Variants in NXPE4 observed in about 807,000 individuals in gnomAD.
The protein encoded by NXPE4 is neurexophilin and PC-esterase domain family member 4.
Under a neutral mutation model 33.3 loss-of-function variants are expected in NXPE4, and 42 were observed. That is an observed-to-expected ratio of 1.26 (90% CI 0.98 to 1.63). NXPE4 has a LOEUF of 1.63. Among genes scored for constraint, NXPE4 ranks in the 40% most tolerant of loss-of-function variants. NXPE4 has a pLI of 0.00. For missense variants in NXPE4, 709 were observed against 647.6 expected, an observed-to-expected ratio of 1.09 and a Z score of -1.03; for synonymous variants, 253 against 234.9, an observed-to-expected ratio of 1.08 and a Z score of -0.71.
the NXPE4 span, among the ~76,000 whole-genome samples, chr11:114,639,810 T>TAATATAAAATATAATATATATTATTTTA: frequency 1.3e-5 from 1 of 77,950 alleles, no homozygotes; most frequent in African/African-American, 4.7e-5. Flanking sequence ...AAATATAAAA[T>TAATATAAAATATAATATATATTATTTTA]AATATAAAAT....
chr11:114,601,618 T>TATTATATATATTATTTATAATTATATATA, the NXPE4 span, among the ~76,000 whole-genome samples: 19 of 1,908 alleles, frequency 1.0e-2, no homozygotes, highest in African/African-American at 0.017. Flanking sequence ...TATAATTATA[T>TATTATATATATTATTTATAATTATATATA]ATTATATATT....
At chr11:114,628,313 A>T in the NXPE4 span, among the ~76,000 whole-genome samples, 3 of 151,962 alleles carry the variant, frequency 2.0e-5, no homozygotes, top group Non-Finnish European at 2.9e-5. Context: ...AAATTATAAC[A>T]AACTGTCTCT....
At chr11:114,659,267 G>C in the NXPE4 span, among the ~76,000 whole-genome samples, 1 of 152,248 alleles carries the variant, frequency 6.6e-6, no homozygotes, top group East Asian at 1.9e-4. Flanking sequence ...CCATAGTAAA[G>C]AGCAAGGCAA....
chr11:114,606,395 A>G, the NXPE4 span, among the ~76,000 whole-genome samples: 2 of 151,940 alleles, frequency 1.3e-5, no homozygotes, highest in African/African-American at 4.8e-5. Flanking sequence ...ATGGGTAACC[A>G]CTGTTACCCG....
chr11:114,640,254 A>AAT, the NXPE4 span, among the ~76,000 whole-genome samples: 1 of 142,182 alleles, frequency 7.0e-6, no homozygotes, highest in South Asian at 2.1e-4. Flanking sequence ...TAAAATATAA[A>AAT]ATATATAGTA....
At chr11:114,575,322 G>C (rs958814693) in intron 5 of NXPE4, among the ~76,000 whole-genome samples, 2 of 152,006 alleles carry the variant, frequency 1.3e-5, no homozygotes, top group African/African-American at 4.8e-5. Context: ...CTTCAACATA[G>C]TACTGGAAGT....
the NXPE4 span, among the ~76,000 whole-genome samples, chr11:114,629,634 C>T: frequency 6.6e-6 from 1 of 152,040 alleles, no homozygotes; most frequent in Non-Finnish European, 1.5e-5. Flanking sequence ...CCTCTCTCAC[C>T]ACTCCTATTC....
At chr11:114,648,839 T>A in the NXPE4 span, among the ~76,000 whole-genome samples, 2 of 152,198 alleles carry the variant, frequency 1.3e-5, no homozygotes, top group African/African-American at 2.4e-5. Context: ...TGATATCTTA[T>A]AATTTGTATA....
At chr11:114,662,079 A>G in the NXPE4 span, among the ~76,000 whole-genome samples, 1 of 152,182 alleles carries the variant, frequency 6.6e-6, no homozygotes, top group Admixed American at 6.5e-5. Flanking sequence ...GCACTTTTAT[A>G]AGAACCAAAA....
intron 5 of NXPE4, among the ~76,000 whole-genome samples, chr11:114,574,159 C>T (rs1948949042): frequency 6.6e-6 from 1 of 151,978 alleles, no homozygotes; most frequent in Non-Finnish European, 1.5e-5. Context: ...ATTCTTTGAA[C>T]TGAACCATAA....
At chr11:114,604,192 GATA>G in the NXPE4 span, among the ~76,000 whole-genome samples, 1 of 152,074 alleles carries the variant, frequency 6.6e-6, no homozygotes, top group African/African-American at 2.4e-5. Context: ...TTACCTGGTG[GATA>G]ATAAGTATTG....
In NXPE4 at chr11:114,579,731, G is replaced by A. The variant is rs75429385; in HGVS notation, c.1099+401C>T. Among the ~76,000 whole-genome samples the A allele has an allele frequency of 2.8e-3, 428 of 152,312 alleles. 3 individuals carry two copies. Among genetic ancestry groups the A allele is most frequent in the African/African-American group, 1.0e-2 (415 of 41,580 alleles). On this transcript the variant is annotated intron_variant, in intron 5 of 5. Transcript: ENST00000375478. ...GGAATGGTTATGTAACTTGTTCAAA[G>A]TCACCCAGATAGGAGGTAGAGAAGT...
At position 114,582,307 on chromosome 11, in the gene NXPE4, C is replaced by T. The variant is rs200052294; in HGVS notation, c.811G>A (p.Glu271Lys). Residue 271 changes from glutamate (E) to lysine (K), a missense_variant, in exon 3 of 6, where the codon GAA becomes AAA. Coordinates refer to ENST00000375478, the MANE Select transcript of NXPE4 (RefSeq NM_001077639.2). ...TTTTACCTTTCAAAGAGGCTCTTTT[C>T]TTGTTTGCTAAGATAAGAAACTTTC... is the stretch of plus-strand genomic sequence containing the variant. The part of the protein sequence containing the change: ...NKKVSYLSKQ[E>K]KSLFERSNVG... The T allele has an allele frequency of 3.2e-4, 508 of 1,579,328 alleles. 2 individuals carry two copies. The African/African-American group carries it at 6.0e-3, about 19-fold the overall frequency.
chr11:114,586,086 G>T (rs1349720017), intron 2 of NXPE4, among the ~76,000 whole-genome samples: 1 of 152,064 alleles, frequency 6.6e-6, no homozygotes, highest in Non-Finnish European at 1.5e-5. Context: ...GTTACACCTG[G>T]GGTGACCAAT....
At chr11:114,586,678 C>T (rs544529969) in intron 2 of NXPE4, among the ~76,000 whole-genome samples, 3 of 152,116 alleles carry the variant, frequency 2.0e-5, no homozygotes, top group East Asian at 3.9e-4. Flanking sequence ...CAGGGAGACA[C>T]CCTGGTGTTA....
chr11:114,610,233 C>T, the NXPE4 span, among the ~76,000 whole-genome samples: 2,133 of 151,952 alleles, frequency 0.014, 50 homozygotes, highest in African/African-American at 0.047. Flanking sequence ...AGTGTTGCCT[C>T]GTGGTTAACC....
At chr11:114,641,775 G>A in the NXPE4 span, among the ~76,000 whole-genome samples, 2 of 151,952 alleles carry the variant, frequency 1.3e-5, no homozygotes, top group Non-Finnish European at 2.9e-5. Context: ...AAGGGGAAAA[G>A]AAAATACAGA....
chr11:114,676,265 C>G, the NXPE4 span, among the ~76,000 whole-genome samples: 10 of 151,746 alleles, frequency 6.6e-5, no homozygotes, highest in Non-Finnish European at 1.2e-4. Flanking sequence ...GAGATTACAT[C>G]AAACTTAAAA....
chr11:114,615,871 A>G, the NXPE4 span, among the ~76,000 whole-genome samples: 29 of 151,716 alleles, frequency 1.9e-4, 1 homozygote, highest in African/African-American at 5.3e-4. Context: ...AAGCACTGTG[A>G]CCTGGTCAAT....
Sources: allele counts gnomAD v4.1 joint callset (sites outside exome capture counted in the v4.1 genomes callset), GRCh38; gene constraint gnomAD v4.1.1; transcripts MANE v1.5; gene names NCBI Gene and HGNC (gene_info 2026-07-23, HGNC 2026-07-21).